CCDC85A: variants seen among roughly 807,000 people sequenced by gnomAD.
CCDC85A encodes coiled-coil domain containing 85A.
A neutral mutation model predicts 50.2 loss-of-function variants in CCDC85A; 38 were observed. The observed-to-expected ratio is 0.76, with a 90% CI of 0.58 to 0.99. The LOEUF (loss-of-function observed/expected upper bound fraction) is 0.99, where lower values mean the gene tolerates loss of function less well. Ranked by LOEUF, CCDC85A falls within the 50% of genes least tolerant of loss-of-function variation. The probability of loss-of-function intolerance (pLI) is 0.00; values close to 1 mark genes in which losing one functional copy is unlikely to be tolerated. For synonymous variants in CCDC85A, 366 were observed against 301.4 expected, an observed-to-expected ratio of 1.21 and a Z score of -2.22; for missense variants, 820 against 742.0, an observed-to-expected ratio of 1.11 and a Z score of -1.22.
intron 2 of CCDC85A, among the ~76,000 whole-genome samples, chr2:56,211,251 T>C (rs1030203471): frequency 1.3e-5 from 2 of 152,104 alleles, no homozygotes; most frequent in African/African-American, 4.8e-5. Flanking sequence ...TGTAGGAAAC[T>C]GAATATGATT....
intron 3 of CCDC85A, among the ~76,000 whole-genome samples, chr2:56,355,621 GA>G (rs1319616952): frequency 6.6e-6 from 1 of 152,102 alleles, no homozygotes; most frequent in Non-Finnish European, 1.5e-5. Context: ...GTAAAAAAGA[GA>G]AAAATAAAAT....
chr2:56,259,852 C>G (rs910846614), intron 2 of CCDC85A, among the ~76,000 whole-genome samples: 1 of 152,172 alleles, frequency 6.6e-6, no homozygotes, highest in Non-Finnish European at 1.5e-5. Context: ...TTTCTCCTTG[C>G]CTTTCTGGAC....
chr2:56,245,551 C>CT (rs1324666012), intron 2 of CCDC85A, among the ~76,000 whole-genome samples: 1 of 152,188 alleles, frequency 6.6e-6, no homozygotes, highest in Non-Finnish European at 1.5e-5. Flanking sequence ...TATGAAGTTG[C>CT]TTTTTTGCAT....
At chr2:56,319,717 T>G (rs1241413305) in intron 2 of CCDC85A, among the ~76,000 whole-genome samples, 1 of 152,038 alleles carries the variant, frequency 6.6e-6, no homozygotes, top group Non-Finnish European at 1.5e-5. Flanking sequence ...GTTTCAGCAG[T>G]TGAAGTCAAG....
Position 56,356,471 on chromosome 2 carries a change from A to G in CCDC85A, c.1317+13516A>G, listed in dbSNP as rs557657304. On this transcript the variant is annotated intron_variant, in intron 3 of 5. Coordinates refer to ENST00000407595, the MANE Select transcript of CCDC85A (RefSeq NM_001080433.2). Reference sequence around the variant, plus strand: ...TGATGGCAGCTTAGGTTCTTTGCCAATTGAAAAAGACTTTGGCTGTGATAG... The same window carrying G: ...TGATGGCAGCTTAGGTTCTTTGCCAGTTGAAAAAGACTTTGGCTGTGATAG... Among the ~76,000 whole-genome samples, 37 of 152,298 alleles carry G rather than the reference A, an allele frequency of 2.4e-4. 1 individual carries two copies. Among genetic ancestry groups the G allele is most frequent in the Middle Eastern group, 3.4e-3 (1 of 294 alleles).
intron 4 of CCDC85A, among the ~76,000 whole-genome samples, chr2:56,373,198 G>A (rs1676168189): frequency 6.6e-6 from 1 of 152,034 alleles, no homozygotes; most frequent in Admixed American, 6.5e-5. Flanking sequence ...TACCTTTGTG[G>A]CTTCACAAAA....
intron 2 of CCDC85A, among the ~76,000 whole-genome samples, chr2:56,238,910 T>A (rs1669138199): frequency 6.6e-6 from 1 of 152,192 alleles, no homozygotes; most frequent in Admixed American, 6.5e-5. Flanking sequence ...CTGAAGATTA[T>A]TTAACTCCTT....
At chr2:56,337,793 T>G (rs573367636) in intron 2 of CCDC85A, among the ~76,000 whole-genome samples, 2 of 148,884 alleles carry the variant, frequency 1.3e-5, no homozygotes, top group South Asian at 4.3e-4. Context: ...TTTTTTTTTC[T>G]TTTTTTTTTG....
intron 2 of CCDC85A, among the ~76,000 whole-genome samples, chr2:56,208,340 A>G (rs915325536): frequency 6.6e-6 from 1 of 152,172 alleles, no homozygotes; most frequent in East Asian, 1.9e-4. Flanking sequence ...TATCCATACA[A>G]TGAAGCACAA....
In CCDC85A at chr2:56,184,959, G is replaced by T; in HGVS notation, c.276+59G>T. The T allele has an allele frequency of 1.4e-6, 2 of 1,433,604 alleles. 1 individual carries two copies. Among genetic ancestry groups the T allele is most frequent in the Non-Finnish European group, 1.8e-6 (2 of 1,100,098 alleles). The allele number at this position is 1,433,604 out of a possible 1,614,324, so 88.8% of individuals were successfully genotyped here. On this transcript the variant is annotated intron_variant, in intron 1 of 5. Transcript: ENST00000407595. ...GCTGGGAGCGGGGTGCCCCGAGGAGGAGGCGGGGCCAGGCAAACTTTCCCT... is the reference window on the plus strand; with the variant it reads ...GCTGGGAGCGGGGTGCCCCGAGGAGTAGGCGGGGCCAGGCAAACTTTCCCT...
At chr2:56,322,537 G>GA (rs1673256881) in intron 2 of CCDC85A, among the ~76,000 whole-genome samples, 1 of 152,160 alleles carries the variant, frequency 6.6e-6, no homozygotes, top group Admixed American at 6.6e-5. Flanking sequence ...ACAGACACAT[G>GA]AAAAAATGCT....
rs1674446161 is a variant in CCDC85A, at chr2:56,342,915, G to C, written c.1277G>C (p.Arg426Thr). 1 of 1,597,700 alleles carries C rather than the reference G, an allele frequency of 6.3e-7. No homozygotes were observed. The highest frequency in any genetic ancestry group is 1.1e-5 in the South Asian group (1 of 88,184). Residue 426 changes from arginine to threonine, a missense_variant, in exon 3 of 6, where the codon AGA (arginine) becomes ACA (threonine). Transcript: ENST00000407595. The stretch of plus-strand genomic sequence containing the variant: ...TCCTATGTTAGGCAGCTGGAGGCAA[G>C]AGTAAGACAGCTGGAGGAAGAAAAT... Reference protein sequence around the residue: ...TLSYVRQLEARVRQLEEENRM... With the variant: ...TLSYVRQLEATVRQLEEENRM...
At chr2:56,188,339 T>A (rs1676140632) in intron 1 of CCDC85A, among the ~76,000 whole-genome samples, 2 of 152,200 alleles carry the variant, frequency 1.3e-5, no homozygotes, top group Non-Finnish European at 2.9e-5. Flanking sequence ...GGAACTGTGA[T>A]ATAGAAATGG....
At chr2:56,231,950 CT>C (rs1486946412) in intron 2 of CCDC85A, among the ~76,000 whole-genome samples, 2 of 152,068 alleles carry the variant, frequency 1.3e-5, no homozygotes, top group Admixed American at 6.6e-5. Context: ...CCCTGTAACA[CT>C]TCATCTCTTG....
At chr2:56,330,224 C>T (rs1384791004) in intron 2 of CCDC85A, among the ~76,000 whole-genome samples, 4 of 152,038 alleles carry the variant, frequency 2.6e-5, no homozygotes, top group African/African-American at 7.2e-5. Flanking sequence ...AATAGCTCTT[C>T]AGAGATTGAA....
intron 2 of CCDC85A, among the ~76,000 whole-genome samples, chr2:56,207,235 C>T (rs772685982): frequency 6.6e-6 from 1 of 152,128 alleles, no homozygotes; most frequent in Non-Finnish European, 1.5e-5. Context: ...AAACTGTGCT[C>T]CTTTGAGCCC....
chr2:56,248,570 G>T (rs2103985338), intron 2 of CCDC85A, among the ~76,000 whole-genome samples: 2 of 152,314 alleles, frequency 1.3e-5, no homozygotes, highest in South Asian at 4.1e-4. Flanking sequence ...TGCCTGGGGT[G>T]CTTCTGTTTT....
At chr2:56,225,402 T>G (rs1296151722) in intron 2 of CCDC85A, among the ~76,000 whole-genome samples, 2 of 152,084 alleles carry the variant, frequency 1.3e-5, no homozygotes, top group African/African-American at 4.8e-5. Context: ...TTCCATCCTG[T>G]GCAATAGAAG....
At chr2:56,311,717 T>C (rs1017631224) in intron 2 of CCDC85A, among the ~76,000 whole-genome samples, 10 of 152,150 alleles carry the variant, frequency 6.6e-5, no homozygotes, top group Non-Finnish European at 1.3e-4. Flanking sequence ...TTTATAATAA[T>C]TCTCCCAAAT....
Sources: allele counts gnomAD v4.1 joint callset (sites outside exome capture counted in the v4.1 genomes callset), GRCh38; gene constraint gnomAD v4.1.1; transcripts MANE v1.5; gene names NCBI Gene and HGNC (gene_info 2026-07-23, HGNC 2026-07-21).